The following STIM1 variants were observed in gnomAD, a reference collection of about 807,000 sequenced individuals.
STIM1 encodes stromal interaction molecule 1.
In STIM1, 25 loss-of-function variants were observed where a neutral mutation model predicts 74.7. That is an observed-to-expected ratio of 0.33 (90% CI 0.24 to 0.47). STIM1 has a LOEUF of 0.47. STIM1 is among the 20% of genes least tolerant of loss of function. The pLI, the probability that STIM1 is intolerant of heterozygous loss-of-function variation, is 1.00. For synonymous variants in STIM1, 328 were observed against 348.8 expected, an observed-to-expected ratio of 0.94 and a Z score of 0.66; for missense variants, 728 against 920.8, an observed-to-expected ratio of 0.79 and a Z score of 2.71.
rs2093977827 is a variant in STIM1 at position 4,023,841 on chromosome 11, T to A, written c.271-32T>A. ...ATCTTGACGGGCTGACTCCTAGGTA[T>A]CTCTTGTGACTTGTGTACTTTTCCC... On this transcript the variant is annotated intron_variant, in intron 2 of 12. Transcript: ENST00000526596. 9 of 1,575,626 alleles carry A rather than the reference T, an allele frequency of 5.7e-6. No individual in the cohort carries two copies. The East Asian group carries it at 2.0e-4, about 35-fold the overall frequency.
intron 3 of STIM1, among the ~76,000 whole-genome samples, chr11:4,040,049 G>A (rs2094136468): frequency 7.2e-6 from 1 of 137,962 alleles, no homozygotes; most frequent in Non-Finnish European, 1.7e-5. Context: ...GATTACAGGT[G>A]TAAGCCACCG....
At chr11:3,858,485 T>C (rs1002680494) in intron 1 of STIM1, among the ~76,000 whole-genome samples, 7 of 152,238 alleles carry the variant, frequency 4.6e-5, no homozygotes, top group Non-Finnish European at 7.3e-5. Flanking sequence ...TGCCTAAGGT[T>C]TGTGGAAACC....
At chr11:4,017,749 A>G (rs1025163970) in intron 2 of STIM1, among the ~76,000 whole-genome samples, 2 of 152,170 alleles carry the variant, frequency 1.3e-5, no homozygotes, top group Non-Finnish European at 1.5e-5. Flanking sequence ...AATCATGAGG[A>G]TAGCAGATTT....
chr11:4,036,071 C>T (rs755574472), intron 3 of STIM1, among the ~76,000 whole-genome samples: 39 of 152,048 alleles, frequency 2.6e-4, no homozygotes, highest in Admixed American at 7.9e-4. Flanking sequence ...GTGTTCTCAT[C>T]GTTGAGCTCT....
chr11:3,877,843 A>G (rs1372319915), intron 1 of STIM1, among the ~76,000 whole-genome samples: 4 of 152,126 alleles, frequency 2.6e-5, no homozygotes, highest in Non-Finnish European at 5.9e-5. Flanking sequence ...TTATCCTATC[A>G]TTCTAAAGCA....
intron 6 of STIM1, among the ~76,000 whole-genome samples, chr11:4,071,983 T>C (rs1201300555): frequency 6.6e-6 from 1 of 152,202 alleles, no homozygotes; most frequent in Non-Finnish European, 1.5e-5. Flanking sequence ...CTGGGCCCCT[T>C]GTTCTTGGGC....
chr11:3,984,722 A>G (rs923890857), intron 2 of STIM1, among the ~76,000 whole-genome samples: 16 of 152,212 alleles, frequency 1.1e-4, no homozygotes, highest in African/African-American at 3.9e-4. Flanking sequence ...CCTGGGTTCA[A>G]ATCCAAACCT....
chr11:3,872,836 C>T (rs2091159770), intron 1 of STIM1, among the ~76,000 whole-genome samples: 1 of 152,046 alleles, frequency 6.6e-6, no homozygotes. Context: ...CCTCCATTTT[C>T]ATATGTGCCA....
At chr11:3,993,776 C>G (rs2093636513) in intron 2 of STIM1, among the ~76,000 whole-genome samples, 1 of 152,190 alleles carries the variant, frequency 6.6e-6, no homozygotes, top group African/African-American at 2.4e-5. Context: ...CACCTCTACT[C>G]CATTCCTGGC....
At position 4,086,554 on chromosome 11, in the gene STIM1, G is replaced by T; in HGVS notation, c.1634+11G>T. The T allele has an allele frequency of 6.2e-7, 1 of 1,613,984 alleles. No individual in the cohort carries two copies. The highest frequency in any genetic ancestry group is 8.5e-7 in the Non-Finnish European group (1 of 1,179,956). On this transcript the variant is annotated intron_variant, in intron 12 of 12. Transcript: ENST00000526596. ...CCTGGGATCTCAGAGGTTGGTAGAG[G>T]GCGAGGCTGGCCACTTCTTGACAAG...
intron 2 of STIM1, among the ~76,000 whole-genome samples, chr11:4,022,002 T>C (rs1400246389): frequency 1.3e-5 from 2 of 152,054 alleles, no homozygotes; most frequent in African/African-American, 2.4e-5. Flanking sequence ...GCTCTAACAG[T>C]TTTTTGGTGG....
chr11:4,044,113 T>C lies in STIM1; in HGVS notation c.386-11413T>C, dbSNP rs146238450. Among the ~76,000 whole-genome samples the C allele has an allele frequency of 1.3e-3, 191 of 149,478 alleles. 1 individual carries two copies. Among genetic ancestry groups the C allele is most frequent in the African/African-American group, 4.4e-3 (179 of 40,652 alleles). ...ACTCCAGGGGTTAGCCTTCTCTGAT[T>C]CGGTGTAGCATTGTTTGTCATTTTG... On this transcript the variant is annotated intron_variant, in intron 3 of 12. Transcript: ENST00000526596.
At chr11:4,016,326 T>C (rs1327907770) in intron 2 of STIM1, among the ~76,000 whole-genome samples, 1 of 152,082 alleles carries the variant, frequency 6.6e-6, no homozygotes. Flanking sequence ...TCTGTTGGAG[T>C]TGGCGGGAGG....
At chr11:3,941,669 T>TAGAGAGAGAGAGAGAGAG (rs1233313065) in intron 1 of STIM1, among the ~76,000 whole-genome samples, 1 of 86,386 alleles carries the variant, frequency 1.2e-5, no homozygotes, top group Admixed American at 1.2e-4. Context: ...TATATATATA[T>TAGAGAGAGAGAGAGAGAG]ATATAGAGAG....
At chr11:4,023,742 G>A (rs964802048) in intron 2 of STIM1, 131 bp from the exon 3 acceptor site, 1 of 707,328 alleles carries the variant, frequency 1.4e-6, no homozygotes, top group Non-Finnish European at 2.6e-6. Context: ...GGATACATGA[G>A]TGATGTGATA....
intron 3 of STIM1, among the ~76,000 whole-genome samples, chr11:4,037,698 G>A (rs1470665749): frequency 2.0e-5 from 3 of 151,710 alleles, no homozygotes; most frequent in African/African-American, 7.3e-5. Flanking sequence ...ATATAGTTGG[G>A]TCCTATATAT....
At chr11:4,079,120 T>C (rs951929850) in intron 7 of STIM1, among the ~76,000 whole-genome samples, 1 of 151,700 alleles carries the variant, frequency 6.6e-6, no homozygotes, top group Admixed American at 6.6e-5. Flanking sequence ...TGACACCCTG[T>C]CTCTACTAAA....
At chr11:3,892,910 G>A in intron 1 of STIM1, 1 of 1,289,702 alleles carries the variant, frequency 7.8e-7, no homozygotes, top group South Asian at 1.2e-5. Flanking sequence ...GGGGCTCCCG[G>A]CAGCAGCAGC....
intron 1 of STIM1, among the ~76,000 whole-genome samples, chr11:3,861,494 A>G (rs1453298396): frequency 6.6e-6 from 1 of 152,168 alleles, no homozygotes; most frequent in Non-Finnish European, 1.5e-5. Context: ...TCGGCCTCCC[A>G]AAGTGTGGGA....
Sources: allele counts gnomAD v4.1 joint callset (sites outside exome capture counted in the v4.1 genomes callset), GRCh38; gene constraint gnomAD v4.1.1; transcripts MANE v1.5; gene names NCBI Gene and HGNC (gene_info 2026-07-23, HGNC 2026-07-21).